The following SRSF11 variants were observed in gnomAD, a reference collection of about 807,000 sequenced individuals.
SRSF11 encodes the protein serine/arginine-rich splicing factor 11.
In SRSF11, 9 loss-of-function variants were observed where a neutral mutation model predicts 56.0. That is an observed-to-expected ratio of 0.16 (90% CI 0.10 to 0.28). SRSF11 has a LOEUF of 0.28. SRSF11 is among the 10% of genes least tolerant of loss of function. SRSF11 has a pLI of 1.00. For synonymous variants in SRSF11, 222 were observed against 215.3 expected, an observed-to-expected ratio of 1.03 and a Z score of -0.27; for missense variants, 421 against 600.7, an observed-to-expected ratio of 0.70 and a Z score of 3.13.
intron 1 of SRSF11, among the ~76,000 whole-genome samples, chr1:70,225,713 T>G (rs1199249861): frequency 6.6e-6 from 1 of 152,080 alleles, no homozygotes; most frequent in Non-Finnish European, 1.5e-5. Context: ...GTAAGAACTG[T>G]TAAAAACTAC....
rs939889755 is a variant in SRSF11, at chr1:70,243,359, A to C, written c.801-1325A>C. On this transcript the variant is annotated intron_variant, in intron 7 of 11. Transcript: ENST00000370949. ...GGCAAAAAAAAAAAAAAAAAAAAAA[A>C]AAAAAAAAAAAAAACACAGTGTGTA... Among the ~76,000 whole-genome samples the C allele has an allele frequency of 3.5e-4, 49 of 141,524 alleles. 1 individual carries two copies. The highest frequency in any genetic ancestry group is 7.0e-4 in the Admixed American group (10 of 14,376). 92.8% of individuals were successfully genotyped at this position (141,524 alleles called of 152,430 possible).
At chr1:70,225,834 T>A (rs997381978) in intron 1 of SRSF11, among the ~76,000 whole-genome samples, 4 of 152,172 alleles carry the variant, frequency 2.6e-5, no homozygotes, top group African/African-American at 9.7e-5. Flanking sequence ...CGGAGTAAAA[T>A]ATGTGTCGTA....
At chr1:70,211,719 A>C (rs1457724185) in intron 1 of SRSF11, among the ~76,000 whole-genome samples, 1 of 152,012 alleles carries the variant, frequency 6.6e-6, no homozygotes, top group Non-Finnish European at 1.5e-5. Flanking sequence ...AGTTACATAT[A>C]CTTAAATATT....
intron 8 of SRSF11, among the ~76,000 whole-genome samples, chr1:70,245,069 T>A (rs558773829): frequency 6.6e-6 from 1 of 152,354 alleles, no homozygotes; most frequent in African/African-American, 2.4e-5. Context: ...TCCTGCTACC[T>A]TCTTTCATAA....
chr1:70,242,543 G>A (rs1675714882), intron 7 of SRSF11, among the ~76,000 whole-genome samples: 1 of 149,970 alleles, frequency 6.7e-6, no homozygotes, highest in Non-Finnish European at 1.5e-5. Context: ...AGCTCGAGCT[G>A]TTTGCCCACC....
At chr1:70,218,204 G>A (rs1179200691), upstream of SRSF11, among the ~76,000 whole-genome samples, 13 of 152,086 alleles carry the variant, frequency 8.5e-5, no homozygotes, top group African/African-American at 2.2e-4. Flanking sequence ...TCCTGACCTC[G>A]TGATCCGCCC....
intron 9 of SRSF11, among the ~76,000 whole-genome samples, chr1:70,248,030 G>T (rs1426047784): frequency 6.6e-6 from 1 of 152,230 alleles, no homozygotes; most frequent in Non-Finnish European, 1.5e-5. Flanking sequence ...ACAGATGATA[G>T]TAAGTGTTGA....
chr1:70,229,709 AT>A, intron 2 of SRSF11: 4 of 985,144 alleles, frequency 4.1e-6, no homozygotes, highest in Non-Finnish European at 4.8e-6. Context: ...TTGAAAACAA[AT>A]GTGAGCATTT....
In SRSF11 at chr1:70,252,849, A is replaced by G. The variant is rs1478657971; in HGVS notation, c.*2044A>G. 1.3e-5 allele frequency: 2 copies of G among 152,204 alleles called. No homozygotes were observed. Among genetic ancestry groups the G allele is most frequent in the South Asian group, 4.1e-4 (2 of 4,828 alleles). 9.4% of individuals were successfully genotyped at this position (152,204 alleles called of 1,614,324 possible). On this transcript the variant is annotated 3_prime_UTR_variant, in exon 12 of 12. Transcript: ENST00000370949. ...GAATCATTTTTTTAAAAGTAGTGCC[A>G]CTGACAAGATGCTACAGTGAAGATT...
intron 5 of SRSF11, among the ~76,000 whole-genome samples, chr1:70,236,332 CTTTTTTTTTT>C (rs554617176): frequency 2.2e-5 from 3 of 133,860 alleles, no homozygotes; most frequent in East Asian, 2.1e-4. Context: ...CTTTCTTTTT[CTTTTTTTTTT>C]TTTTTTTGAG....
chr1:70,224,031 A>G (rs1019120141), intron 1 of SRSF11, among the ~76,000 whole-genome samples: 5 of 152,186 alleles, frequency 3.3e-5, no homozygotes, highest in African/African-American at 7.2e-5. Flanking sequence ...TTTTCTTGTC[A>G]TTCCCTAAAC....
chr1:70,216,261 C>G (rs917595722), intron 1 of SRSF11, among the ~76,000 whole-genome samples: 3 of 152,080 alleles, frequency 2.0e-5, no homozygotes, highest in Admixed American at 2.0e-4. Context: ...CTGCCAATAT[C>G]ACGCACCAGT....
chr1:70,252,401 A>G lies in SRSF11; in HGVS notation c.*1596A>G, dbSNP rs980324725. 1 of 152,126 alleles carries G rather than the reference A, an allele frequency of 6.6e-6. No homozygotes were observed. Among genetic ancestry groups the G allele is most frequent in the Non-Finnish European group, 1.5e-5 (1 of 67,986 alleles). 9.4% of individuals were successfully genotyped at this position (152,126 alleles called of 1,614,324 possible). Reference sequence around the variant, plus strand: ...GTACTAAATAGTATTCATTTATGAAATGAGTAGTGTTTGGGTGGCTGGGGT... The same window carrying G: ...GTACTAAATAGTATTCATTTATGAAGTGAGTAGTGTTTGGGTGGCTGGGGT... On this transcript the variant is annotated 3_prime_UTR_variant, in exon 12 of 12. Transcript: ENST00000370949.
rs1247910179 is a variant in SRSF11 at position 70,221,397 on chromosome 1, C to T, written c.-240C>T. 8 of 528,914 alleles carry T rather than the reference C, an allele frequency of 1.5e-5. No homozygotes were observed. The highest frequency in any genetic ancestry group is 4.9e-4 in the Middle Eastern group (1 of 2,050). The allele number at this position is 528,914 out of a possible 1,614,324, so 32.8% of individuals were successfully genotyped here. A position where few individuals can be genotyped will look rare whatever the true frequency, so the allele number is the denominator to read the frequency against. ...GGCCCGCTAGTGTCGTGGTTGGAGG[C>T]GAGGTGGGGCGGCCGTTTGTTTTCT... On this transcript the variant is annotated 5_prime_UTR_variant, in exon 1 of 12. Coordinates refer to ENST00000370949, the MANE Select transcript of SRSF11 (RefSeq NM_001350605.2).
At chr1:70,209,994 C>T (rs970647468) in intron 1 of SRSF11, among the ~76,000 whole-genome samples, 2 of 151,780 alleles carry the variant, frequency 1.3e-5, no homozygotes, top group African/African-American at 4.8e-5. Flanking sequence ...TATGTTGTTA[C>T]TGGAGTTGTA....
At chr1:70,214,881 C>A (rs960945158) in intron 1 of SRSF11, among the ~76,000 whole-genome samples, 3 of 148,234 alleles carry the variant, frequency 2.0e-5, no homozygotes, top group African/African-American at 7.4e-5. Flanking sequence ...AATCAAAATA[C>A]ATCTGCAGAT....
At chr1:70,227,066 G>T (rs1029906733) in intron 1 of SRSF11, among the ~76,000 whole-genome samples, 1 of 152,122 alleles carries the variant, frequency 6.6e-6, no homozygotes, top group Non-Finnish European at 1.5e-5. Flanking sequence ...AGGGAAGCTT[G>T]TATCAGAAGT....
At chr1:70,215,379 G>A (rs1669918910) in intron 1 of SRSF11, among the ~76,000 whole-genome samples, 2 of 152,180 alleles carry the variant, frequency 1.3e-5, no homozygotes, top group Admixed American at 1.3e-4. Flanking sequence ...TTTGCTGCAT[G>A]CATTCCCTTA....
At chr1:70,246,506 TGAG>T (rs1676800480) in intron 8 of SRSF11, among the ~76,000 whole-genome samples, 1 of 152,046 alleles carries the variant, frequency 6.6e-6, no homozygotes, top group Non-Finnish European at 1.5e-5. Context: ...AAAGGAGTCT[TGAG>T]GAGCCTAGAG....
Sources: allele counts gnomAD v4.1 joint callset (sites outside exome capture counted in the v4.1 genomes callset), GRCh38; gene constraint gnomAD v4.1.1; transcripts MANE v1.5; gene names NCBI Gene and HGNC (gene_info 2026-07-23, HGNC 2026-07-21).